Variants in PTGFRN observed in about 807,000 individuals in gnomAD.
PTGFRN encodes prostaglandin F2 receptor negative regulator.
A neutral mutation model predicts 83.2 loss-of-function variants in PTGFRN; 35 were observed. The observed-to-expected ratio is 0.42, with a 90% confidence interval of 0.32 to 0.56. PTGFRN has a LOEUF of 0.56. Ranked by LOEUF, PTGFRN falls within the 20% of genes least tolerant of loss-of-function variation. PTGFRN has a pLI of 0.11. For synonymous variants in PTGFRN, 519 were observed against 498.6 expected, an observed-to-expected ratio of 1.04 and a Z score of -0.55; for missense variants, 1,051 against 1,179.5, an observed-to-expected ratio of 0.89 and a Z score of 1.60.
Position 116,914,935 on chromosome 1 carries a change from G to A in PTGFRN, c.49+4683G>A, listed in dbSNP as rs980125975. On this transcript the variant is annotated intron_variant, in intron 1 of 8. Transcript: ENST00000393203. ...CTACTATTTCTCGATTGCATATCAA[G>A]CGTCAGGCTCTGACGTACATTCTGG... Among the ~76,000 whole-genome samples, 23 of 152,068 alleles carry A rather than the reference G, an allele frequency of 1.5e-4. 1 individual carries two copies. Among genetic ancestry groups the A allele is most frequent in the African/African-American group, 5.6e-4 (23 of 41,402 alleles).
intron 1 of PTGFRN, among the ~76,000 whole-genome samples, chr1:116,934,386 G>C (rs1649869545): frequency 6.6e-6 from 1 of 152,160 alleles, no homozygotes; most frequent in African/African-American, 2.4e-5. Context: ...GGCTCAAGCA[G>C]TCCTCCTGTC....
At chr1:116,979,551 C>G (rs1298637943) in intron 7 of PTGFRN, among the ~76,000 whole-genome samples, 1 of 152,082 alleles carries the variant, frequency 6.6e-6, no homozygotes, top group Non-Finnish European at 1.5e-5. Context: ...GAACAGAGCC[C>G]TCAAAAATAA....
chr1:116,918,474 G>T lies in PTGFRN; in HGVS notation c.49+8222G>T, dbSNP rs1649460650. ...CCACCAGCATTGGCAGCACCTGGGG[G>T]AATCTCAGGTCCAAACTTGTGAATC... On this transcript the variant is annotated intron_variant, in intron 1 of 8. Coordinates refer to ENST00000393203, the MANE Select transcript of PTGFRN (RefSeq NM_020440.4). This position sits in a 1 kb window ranked among gnomAD's most constrained non-coding sequence, Gnocchi z 4.1. Among the ~76,000 whole-genome samples, 1 of 152,194 alleles carries T rather than the reference G, an allele frequency of 6.6e-6. No homozygotes were observed. The highest frequency in any genetic ancestry group is 6.5e-5 in the Admixed American group (1 of 15,286).
chr1:116,974,856 G>A (rs1418583939), intron 7 of PTGFRN, among the ~76,000 whole-genome samples: 2 of 152,152 alleles, frequency 1.3e-5, no homozygotes, highest in African/African-American at 4.8e-5. Context: ...TCATCTCACT[G>A]GGGCTTGTTG....
intron 3 of PTGFRN, among the ~76,000 whole-genome samples, chr1:116,945,828 A>G (rs2101066188): frequency 6.6e-6 from 1 of 152,122 alleles, no homozygotes; most frequent in South Asian, 2.1e-4. Flanking sequence ...AAACACATAA[A>G]AATAAAAGGA....
rs563845464 is a variant in PTGFRN, at chr1:116,967,204, A to G, written c.1933A>G (p.Thr645Ala). The change falls in exon 6 of 9, where the codon ACT becomes GCT. Residue 645 changes from threonine (T) to alanine (A), a missense_variant. Around this residue, in one of 3 missense-constraint regions of PTGFRN, gnomAD observed 719 missense variants for 836.6 expected, o/e 0.86. Transcript: ENST00000393203. ...TGAGTTCCGCTATCGAATGTACCAG[A>G]CTCAGGTCTCAGACGCAGGGCTGTA... is the stretch of plus-strand genomic sequence containing the variant. ...EDEFRYRMYQ[T>A]QVSDAGLYRC... 1 of 1,614,176 alleles carries G rather than the reference A, an allele frequency of 6.2e-7. No individual in the cohort carries two copies. Among genetic ancestry groups the G allele is most frequent in the African/African-American group, 1.3e-5 (1 of 75,036 alleles).
At chr1:116,914,753 CA>C (rs370405921) in intron 1 of PTGFRN, among the ~76,000 whole-genome samples, 324 of 129,038 alleles carry the variant, frequency 2.5e-3, no homozygotes, top group Non-Finnish European at 2.7e-3. Context: ...GACCCTGTCT[CA>C]AAAAAAAAAA....
At chr1:116,985,054 G>T in intron 8 of PTGFRN, 69 bp downstream of exon 8, 2 of 1,508,406 alleles carry the variant, frequency 1.3e-6, no homozygotes, top group South Asian at 1.3e-5. Flanking sequence ...GTAGCTGACA[G>T]AACCCAGGTG....
Position 116,918,331 on chromosome 1 carries a change from G to C in PTGFRN, c.49+8079G>C, listed in dbSNP as rs1570643270. 1.3e-5 allele frequency among the ~76,000 whole-genome samples: 2 copies of C among 152,192 alleles called. No homozygotes were observed. Among genetic ancestry groups the C allele is most frequent in the South Asian group, 4.2e-4 (2 of 4,816 alleles). ...CTCACTTTCTGTCTCTGTGAAATGG[G>C]AATAATACCTCTCTTGGAGGTTTTT... On this transcript the variant is annotated intron_variant, in intron 1 of 8. Transcript: ENST00000393203. The surrounding 1 kb of genome is among the most constrained non-coding windows in gnomAD (Gnocchi z 4.1).
chr1:116,937,928 G>A (rs909106117), intron 1 of PTGFRN, among the ~76,000 whole-genome samples: 5 of 152,132 alleles, frequency 3.3e-5, no homozygotes, highest in Non-Finnish European at 5.9e-5. Context: ...GGAGGGTGGT[G>A]ACCACGGTCT....
chr1:116,910,151 GAGAGGCGGCGGGGAA>G lies in PTGFRN; in HGVS notation c.-52_-38del, dbSNP rs1370832510. 6.6e-7 allele frequency: 1 copy of G among 1,509,696 alleles called. No homozygotes were observed. Among genetic ancestry groups the G allele is most frequent in the Admixed American group, 2.0e-5 (1 of 49,960 alleles). The allele number at this position is 1,509,696 out of a possible 1,614,324, so 93.5% of individuals were successfully genotyped here. ...GCCGGAGCTGGAAGAGGAGGAGGAG[GAGAGGCGGCGGGGAA>G]GGAGGAGGAGGGGGAGAGTCGCTCC... On this transcript the variant is annotated 5_prime_UTR_variant, in exon 1 of 9. Coordinates refer to ENST00000393203, the MANE Select transcript of PTGFRN (RefSeq NM_020440.4).
chr1:116,971,236 G>A (rs745782747), intron 6 of PTGFRN, among the ~76,000 whole-genome samples: 6 of 151,986 alleles, frequency 3.9e-5, no homozygotes, highest in Admixed American at 1.3e-4. Flanking sequence ...CCAATTCTAG[G>A]TAAACATTAA....
chr1:116,930,246 C>T (rs1166869336), intron 1 of PTGFRN, among the ~76,000 whole-genome samples: 1 of 152,210 alleles, frequency 6.6e-6, no homozygotes, highest in Non-Finnish European at 1.5e-5. Flanking sequence ...CCCTTGGCTG[C>T]TAGGGCATAA....
rs747145373 is a variant in PTGFRN, at chr1:116,941,730, G to A, written c.65G>A (p.Arg22His). ...ATCATTGCAGCTCTTTGCCGAGGGC[G>A]TGTGGTGAGAGTCCCCACAGCGACC... The part of the protein sequence containing the change: ...ALLSLALCRG[R>H]VVRVPTATLV... The change falls in exon 2 of 9, where the codon CGT becomes CAT. Residue 22 changes from arginine to histidine, a missense_variant. By Grantham distance (29) the Arg-to-His change is conservative. This residue lies in a region of PTGFRN where 127 missense variants were observed against 168.4 expected (regional missense o/e 0.75). Transcript: ENST00000393203. The surrounding 1 kb of genome is among the most constrained non-coding windows in gnomAD (Gnocchi z 5.0). The A allele has an allele frequency of 2.5e-6, 4 of 1,612,236 alleles. No individual in the cohort carries two copies. The highest frequency in any genetic ancestry group is 1.7e-5 in the Admixed American group (1 of 59,936).
At chr1:116,946,003 A>G (rs181281904) in intron 3 of PTGFRN, among the ~76,000 whole-genome samples, 3 of 152,212 alleles carry the variant, frequency 2.0e-5, no homozygotes, top group East Asian at 3.9e-4. Context: ...AGGAAGGGCA[A>G]TGTCATTGCT....
chr1:116,964,069 C>T (rs1041804160), intron 5 of PTGFRN, among the ~76,000 whole-genome samples: 31 of 133,560 alleles, frequency 2.3e-4, no homozygotes, highest in Non-Finnish European at 3.1e-4. Context: ...CATGAGCCAC[C>T]GTGCCGGGCG....
chr1:116,924,482 T>C (rs749692428), intron 1 of PTGFRN, among the ~76,000 whole-genome samples: 2 of 152,152 alleles, frequency 1.3e-5, no homozygotes, highest in Non-Finnish European at 2.9e-5. Context: ...CATGTCTGGA[T>C]TGGGGACTTT....
Position 116,990,347 on chromosome 1 carries a change from A to G in PTGFRN, c.*3380A>G, listed in dbSNP as rs993981961. On this transcript the variant is annotated 3_prime_UTR_variant, in exon 9 of 9. Transcript: ENST00000393203. ...TTTTTATTTCATTAAAGGAAGTTTA[A>G]TTTAAATTGAAGTTGTGTGAGGAGC... 6.6e-6 allele frequency: 1 copy of G among 151,890 alleles called. No homozygotes were observed. The allele number at this position is 151,890 out of a possible 1,614,324, so 9.4% of individuals were successfully genotyped here.
intron 1 of PTGFRN, among the ~76,000 whole-genome samples, chr1:116,912,791 A>G (rs554840983): frequency 1.1e-3 from 163 of 152,218 alleles, no homozygotes; most frequent in Non-Finnish European, 1.6e-3. Context: ...CTTCGTTCCA[A>G]CTAACCTGTT....
Sources: gnomAD v4.1 joint callset for allele counts (sites outside exome capture counted in the v4.1 genomes callset) on GRCh38, gnomAD v4.1.1 for gene constraint, gnomAD v4.1.1 regional missense constraint, Gnocchi (gnomAD v3.1) non-coding constraint, MANE v1.5 for transcripts, NCBI Gene and HGNC (gene_info 2026-07-23, HGNC 2026-07-21) for gene names.